The following RBFOX1 variants were observed in gnomAD, a reference collection of about 807,000 sequenced individuals.
RBFOX1 encodes the protein RNA binding fox-1 homolog 1, also known as RNA binding protein fox-1 homolog 1.
Under a neutral mutation model 57.7 loss-of-function variants are expected in RBFOX1, and 8 were observed. The observed-to-expected ratio is 0.14, with a 90% CI of 0.08 to 0.25. The LOEUF (loss-of-function observed/expected upper bound fraction) is 0.25. RBFOX1 is among the 10% of genes least tolerant of loss of function. RBFOX1 has a pLI of 1.00. For missense variants in RBFOX1, 611 were observed against 548.5 expected (o/e 1.11, Z -1.14); for synonymous variants, 326 against 222.4 (o/e 1.47, Z -4.15).
At chr16:5,431,879 G>A (rs1194835881) in intron 1 of RBFOX1, among the ~76,000 whole-genome samples, 5 of 152,178 alleles carry the variant, frequency 3.3e-5, no homozygotes, top group South Asian at 2.1e-4. Flanking sequence ...CTTCCTTCAC[G>A]GAGCGGTACC....
chr16:6,219,737 G>A (rs560340667), intron 1 of RBFOX1, among the ~76,000 whole-genome samples: 5 of 152,210 alleles, frequency 3.3e-5, no homozygotes, highest in African/African-American at 1.2e-4. Context: ...TTAGCCAGCT[G>A]TGGTGTTGGG....
intron 15 of RBFOX1, chr16:7,709,916 C>T (rs1301456228): frequency 1.9e-6 from 2 of 1,055,656 alleles, no homozygotes; most frequent in African/African-American, 1.7e-5. Context: ...CTGCTTGGAT[C>T]AAGAATATCA....
chr16:6,947,523 G>C (rs954519883), intron 3 of RBFOX1, among the ~76,000 whole-genome samples: 1 of 152,168 alleles, frequency 6.6e-6, no homozygotes, highest in African/African-American at 2.4e-5. Context: ...AGAGATGTGA[G>C]ATGAGAGAAA....
At chr16:7,134,542 TCA>T (rs1567396592) in intron 4 of RBFOX1, among the ~76,000 whole-genome samples, 1 of 152,160 alleles carries the variant, frequency 6.6e-6, no homozygotes, top group Non-Finnish European at 1.5e-5. Context: ...TTAATTTCAT[TCA>T]CAGTTTCCAA....
chr16:6,807,746 A>G (rs1389778523), intron 3 of RBFOX1, among the ~76,000 whole-genome samples: 1 of 151,932 alleles, frequency 6.6e-6, no homozygotes, highest in Admixed American at 6.6e-5. Flanking sequence ...AATCCAGGAG[A>G]TGGAGGTTGT....
At chr16:5,375,343 A>T (rs888445414) in intron 1 of RBFOX1, among the ~76,000 whole-genome samples, 1 of 152,174 alleles carries the variant, frequency 6.6e-6, no homozygotes, top group Non-Finnish European at 1.5e-5. Context: ...TGAAGAGGAC[A>T]GTGAGGTTGG....
intron 5 of RBFOX1, among the ~76,000 whole-genome samples, chr16:7,561,169 A>G: frequency 6.6e-6 from 1 of 152,240 alleles, no homozygotes. Context: ...ATGGGAATCC[A>G]TGGAGCTCAG....
intron 3 of RBFOX1, among the ~76,000 whole-genome samples, chr16:5,630,578 C>G (rs4786048): frequency 6.6e-6 from 1 of 152,040 alleles, no homozygotes; most frequent in Non-Finnish European, 1.5e-5. Context: ...CTTCAGAGCA[C>G]TGGCGGGTGG....
At chr16:5,847,075 G>A (rs931232711) in intron 3 of RBFOX1, among the ~76,000 whole-genome samples, 2 of 152,166 alleles carry the variant, frequency 1.3e-5, no homozygotes, top group Non-Finnish European at 2.9e-5. Flanking sequence ...CTTGTAGCAG[G>A]GAATAGGGAA....
rs907230773 is a variant in RBFOX1 at position 7,638,116 on chromosome 16, C to A, written c.757+7433C>A. Among the ~76,000 whole-genome samples the A allele has an allele frequency of 3.3e-5, 5 of 152,246 alleles. No homozygotes were observed. The East Asian group carries it at 7.7e-4, about 24-fold the overall frequency. ...TTGGTGTTTCCTCCCTTCCACCCCC[C>A]ACTTAAGTTCTGCAACGACAGTGAA... On this transcript the variant is annotated intron_variant, in intron 11 of 15. Coordinates refer to ENST00000550418, the MANE Select transcript of RBFOX1 (RefSeq NM_018723.4).
intron 3 of RBFOX1, among the ~76,000 whole-genome samples, chr16:6,961,598 T>TGG (rs1645291281): frequency 6.6e-6 from 1 of 152,180 alleles, no homozygotes; most frequent in South Asian, 2.1e-4. Flanking sequence ...CTCTGAGGGC[T>TGG]GCTGATTGGC....
intron 1 of RBFOX1, among the ~76,000 whole-genome samples, chr16:6,120,789 G>A (rs956752568): frequency 6.6e-6 from 1 of 151,992 alleles, no homozygotes; most frequent in Non-Finnish European, 1.5e-5. Context: ...CTCTTTGTAA[G>A]ACGTCAGTTC....
At chr16:7,294,030 C>G (rs1246489559) in intron 4 of RBFOX1, among the ~76,000 whole-genome samples, 1 of 152,054 alleles carries the variant, frequency 6.6e-6, no homozygotes, top group African/African-American at 2.4e-5. Flanking sequence ...TTTCTGGGGT[C>G]AAAGAACCTT....
chr16:7,589,186 T>G (rs1160304042), intron 7 of RBFOX1, among the ~76,000 whole-genome samples: 1 of 152,218 alleles, frequency 6.6e-6, no homozygotes, highest in Non-Finnish European at 1.5e-5. Context: ...GTTGACCAAC[T>G]TCGTTCTGAC....
chr16:5,550,713 T>G (rs2045427491), intron 2 of RBFOX1, among the ~76,000 whole-genome samples: 1 of 152,210 alleles, frequency 6.6e-6, no homozygotes, highest in Non-Finnish European at 1.5e-5. Context: ...ATTTATATTC[T>G]GGAGACTCAG....
chr16:7,235,979 C>T (rs1372695859), intron 4 of RBFOX1, among the ~76,000 whole-genome samples: 2 of 152,156 alleles, frequency 1.3e-5, no homozygotes, highest in African/African-American at 2.4e-5. Context: ...TTCTGGCTTG[C>T]ACCATTGCTG....
intron 1 of RBFOX1, among the ~76,000 whole-genome samples, chr16:5,395,316 G>T (rs370896815): frequency 2.0e-5 from 3 of 152,362 alleles, no homozygotes; most frequent in Non-Finnish European, 2.9e-5. Flanking sequence ...ACATTCTTCT[G>T]TTAGATTCTT....
intron 3 of RBFOX1, among the ~76,000 whole-genome samples, chr16:5,842,305 TC>T (rs2056645087): frequency 6.6e-6 from 1 of 152,096 alleles, no homozygotes; most frequent in Non-Finnish European, 1.5e-5. Context: ...ACATTGTTGT[TC>T]CCTCCTAAGC....
At chr16:5,515,864 T>C (rs1269837042) in intron 2 of RBFOX1, among the ~76,000 whole-genome samples, 1 of 151,938 alleles carries the variant, frequency 6.6e-6, no homozygotes, top group East Asian at 1.9e-4. Context: ...CTAGGCCCTT[T>C]TGTGTGCATT....
Sources: allele counts gnomAD v4.1 joint callset (sites outside exome capture counted in the v4.1 genomes callset), GRCh38; gene constraint gnomAD v4.1.1; transcripts MANE v1.5; gene names NCBI Gene and HGNC (gene_info 2026-07-23, HGNC 2026-07-21).